ALOXE3: variants seen among roughly 807,000 people sequenced by gnomAD.
The protein encoded by ALOXE3 is arachidonate epidermal lipoxygenase 3.
A neutral mutation model predicts 87.5 loss-of-function variants in ALOXE3; 78 were observed. That is an observed-to-expected ratio of 0.89 (90% confidence interval 0.74 to 1.08). ALOXE3 has a LOEUF of 1.08. Ranked by LOEUF, ALOXE3 falls within the 50% of genes least tolerant of loss-of-function variation. The pLI is 0.00. For synonymous variants in ALOXE3, 363 were observed against 370.8 expected, an observed-to-expected ratio of 0.98 and a Z score of 0.24; for missense variants, 946 against 912.4, an observed-to-expected ratio of 1.04 and a Z score of -0.47.
chr17:8,109,476 C>T, intron 11 of ALOXE3, 133 bp from the exon 12 acceptor site: 2 of 1,218,392 alleles, frequency 1.6e-6, no homozygotes, highest in Admixed American at 2.1e-5. Context: ...GATCAAATAC[C>T]CACGAGGGCC....
At chr17:8,116,712 GACCCC>G in intron 3 of ALOXE3, 59 bp downstream of exon 3, 1 of 1,555,980 alleles carries the variant, frequency 6.4e-7, no homozygotes, top group Non-Finnish European at 8.9e-7. Context: ...GGCTCTGTGA[GACCCC>G]ACTCCTAATC....
At chr17:8,103,064 T>A (rs558667689) in intron 15 of ALOXE3, among the ~76,000 whole-genome samples, 1 of 152,354 alleles carries the variant, frequency 6.6e-6, no homozygotes, top group African/African-American at 2.4e-5. Context: ...GTTTATTGAA[T>A]GTTTGCATTA....
intron 13 of ALOXE3, 58 bp downstream of exon 13, chr17:8,108,410 G>C (rs997729302): frequency 1.2e-6 from 2 of 1,600,400 alleles, no homozygotes; most frequent in Non-Finnish European, 1.7e-6. Flanking sequence ...AGTAGGGTGT[G>C]GCCAAGCAAG....
chr17:8,104,291 C>A, intron 13 of ALOXE3, 76 bp from the exon 14 acceptor site: 1 of 1,117,726 alleles, frequency 8.9e-7, no homozygotes, highest in Non-Finnish European at 1.4e-6. Context: ...GACTGGGGCT[C>A]ACCACAGGGG....
At chr17:8,101,209 TA>T (rs1166978201) in intron 15 of ALOXE3, among the ~76,000 whole-genome samples, 1 of 152,070 alleles carries the variant, frequency 6.6e-6, no homozygotes, top group Non-Finnish European at 1.5e-5. Context: ...GTATTTTTAG[TA>T]GAGATGGGGG....
chr17:8,114,674 T>A (rs953406357), intron 5 of ALOXE3, 65 bp from the exon 6 acceptor site: 5 of 1,605,546 alleles, frequency 3.1e-6, no homozygotes, highest in Non-Finnish European at 4.3e-6. Flanking sequence ...GCTGCTCAAC[T>A]CCTTCCCTCT....
upstream of ALOXE3, chr17:8,118,868 A>T (rs780973941): frequency 5.9e-6 from 9 of 1,521,776 alleles, no homozygotes; most frequent in Middle Eastern, 4.0e-4. Flanking sequence ...CTGGGGAGGA[A>T]CCTCTCAGAG....
chr17:8,116,636 T>C, intron 3 of ALOXE3, 140 bp downstream of exon 3: 1 of 1,068,878 alleles, frequency 9.4e-7, no homozygotes, highest in Middle Eastern at 2.7e-4. Flanking sequence ...GAGGCTCCCT[T>C]TTTTCAGAAA....
chr17:8,110,326 G>T (rs1338524152), intron 9 of ALOXE3, 31 bp from the exon 10 acceptor site: 1 of 1,611,598 alleles, frequency 6.2e-7, no homozygotes, highest in East Asian at 2.2e-5. Flanking sequence ...GGATGATGGG[G>T]CTCCGGGCTG....
At chr17:8,112,241 T>G in intron 6 of ALOXE3, 45 bp from the exon 7 acceptor site, 1 of 1,464,432 alleles carries the variant, frequency 6.8e-7, no homozygotes, top group East Asian at 2.3e-5. Context: ...GGGGCTAGAG[T>G]CTGCTGGGAA....
chr17:8,112,343 C>CTT (rs1168304907), intron 6 of ALOXE3, 147 bp from the exon 7 acceptor site: 5 of 662,240 alleles, frequency 7.6e-6, no homozygotes, highest in African/African-American at 7.1e-5. Context: ...AAGTCTAGTA[C>CTT]CCGGTGGAGG....
Position 8,096,432 on chromosome 17 carries a change from C to T in ALOXE3, c.*195G>A. 1.6e-6 allele frequency: 1 copy of T among 612,906 alleles called. No homozygotes were observed. The highest frequency in any genetic ancestry group is 1.8e-5 in the African/African-American group (1 of 54,652). 38.0% of individuals were successfully genotyped at this position (612,906 alleles called of 1,614,324 possible). On this transcript the variant is annotated 3_prime_UTR_variant, in exon 16 of 16. Transcript: ENST00000448843. ...TCAGCGGCTTTTAACCTGGACGCTG[C>T]TGTGCTGGTCTCTCACAGCTCAGGG...
intron 15 of ALOXE3, among the ~76,000 whole-genome samples, chr17:8,098,140 AT>A (rs1978670006): frequency 6.6e-6 from 1 of 151,368 alleles, no homozygotes; most frequent in Non-Finnish European, 1.5e-5. Context: ...AATAGTGGGC[AT>A]TGGGCATTAT....
intron 3 of ALOXE3, among the ~76,000 whole-genome samples, chr17:8,116,489 G>A (rs1277166393): frequency 3.3e-5 from 5 of 152,172 alleles, no homozygotes; most frequent in African/African-American, 1.2e-4. Context: ...CTGGAGAAGT[G>A]CAGAGGGAGG....
In ALOXE3 at chr17:8,108,543, C is replaced by G; in HGVS notation, c.1609G>C (p.Val537Leu). The G allele has an allele frequency of 6.2e-7, 1 of 1,613,394 alleles. No individual in the cohort carries two copies. The highest frequency in any genetic ancestry group is 8.5e-7 in the Non-Finnish European group (1 of 1,179,572). The change falls in exon 13 of 16, where the codon GTG (valine) becomes CTG (leucine). Residue 537 changes from valine to leucine, a missense_variant. Transcript: ENST00000448843. ...GCCTGCAGCTCCGAATCCTGCTGCACAGATGCGTCACTGGGATAATAGTAG... is the reference window on the plus strand; with the variant it reads ...GCCTGCAGCTCCGAATCCTGCTGCAGAGATGCGTCACTGGGATAATAGTAG... ...VGYYYPSDAS[V>L]QQDSELQAWT...
chr17:8,111,585 A>G (rs562306178), intron 7 of ALOXE3, 54 bp from the exon 8 acceptor site: 74 of 1,573,654 alleles, frequency 4.7e-5, no homozygotes, highest in Admixed American at 3.3e-4. Context: ...CCTAGATCCT[A>G]GTCCTGCCAA....
rs1382528392 is a variant in ALOXE3 at position 8,103,542 on chromosome 17, T to C, written c.1786-49A>G. The C allele has an allele frequency of 3.8e-6, 6 of 1,591,382 alleles. No homozygotes were observed. In the African/African-American group the frequency reaches 5.4e-5, roughly 14 times the overall value. On this transcript the variant is annotated intron_variant, in intron 14 of 15. Transcript: ENST00000448843. ...GGGTCAGTTGGCCAGAAGGGGAGTATCACCTCCCTCTTCACCATCCCTGAT... is the reference window on the plus strand; with the variant it reads ...GGGTCAGTTGGCCAGAAGGGGAGTACCACCTCCCTCTTCACCATCCCTGAT...
chr17:8,115,747 A>G, intron 3 of ALOXE3, 59 bp from the exon 4 acceptor site: 2 of 1,547,120 alleles, frequency 1.3e-6, no homozygotes, highest in Non-Finnish European at 1.8e-6. Flanking sequence ...ATCTTCTGCA[A>G]ACCTTGCCTG....
Position 8,117,948 on chromosome 17 carries a change from T to C in ALOXE3, c.43A>G (p.Arg15Gly). Reference protein sequence around the residue: ...RLCVTTGPYLRAGTLDNISVT... With the variant: ...RLCVTTGPYLGAGTLDNISVT... ...GAGATGTTGTCCAGTGTGCCGGCCC[T>C]CAGGTAGGGACCAGTGGTCACACAC... The change falls in exon 2 of 16, where the codon AGG becomes GGG. Residue 15 changes from arginine to glycine, a missense_variant. By Grantham distance (125) the Arg-to-Gly change is moderately radical. Coordinates refer to ENST00000448843, the MANE Select transcript of ALOXE3 (RefSeq NM_021628.3). 1 of 1,612,156 alleles carries C rather than the reference T, an allele frequency of 6.2e-7. No homozygotes were observed.
Sources: allele counts gnomAD v4.1 joint callset (sites outside exome capture counted in the v4.1 genomes callset), GRCh38; gene constraint gnomAD v4.1.1; transcripts MANE v1.5; gene names NCBI Gene and HGNC (gene_info 2026-07-23, HGNC 2026-07-21).